COL24A1: variants seen among roughly 807,000 people sequenced by gnomAD.
COL24A1 encodes the protein collagen type XXIV alpha 1 chain.
A neutral mutation model predicts 253.9 loss-of-function variants in COL24A1; 224 were observed. The observed-to-expected ratio is 0.88, with a 90% CI of 0.79 to 0.99. The LOEUF (loss-of-function observed/expected upper bound fraction) is 0.99, where lower values mean the gene tolerates loss of function less well. Among genes scored for constraint, COL24A1 ranks in the 50% least tolerant of loss-of-function variants. COL24A1 has a pLI of 0.00. For missense variants in COL24A1, 2,131 were observed against 2,068.5 expected, an observed-to-expected ratio of 1.03 and a Z score of -0.59; for synonymous variants, 685 against 673.7, an observed-to-expected ratio of 1.02 and a Z score of -0.26.
intron 28 of COL24A1, among the ~76,000 whole-genome samples, 171 bp from the exon 29 acceptor site, chr1:85,896,580 C>G (rs1683755353): frequency 6.6e-6 from 1 of 152,036 alleles, no homozygotes; most frequent in Non-Finnish European, 1.5e-5. Context: ...CTGCAAGCTC[C>G]GCCTCCCAGG....
intron 53 of COL24A1, among the ~76,000 whole-genome samples, chr1:85,763,221 A>T (rs934583600): frequency 6.6e-6 from 1 of 152,006 alleles, no homozygotes; most frequent in African/African-American, 2.4e-5. Flanking sequence ...GTTTGAGACC[A>T]GCCTGGGCAA....
At chr1:86,088,772 G>A (rs1038975900) in intron 7 of COL24A1, among the ~76,000 whole-genome samples, 1 of 152,014 alleles carries the variant, frequency 6.6e-6, no homozygotes, top group Non-Finnish European at 1.5e-5. Flanking sequence ...ACCTCACTTT[G>A]GGCATATAAA....
chr1:86,046,124 A>C (rs967322904), intron 12 of COL24A1, among the ~76,000 whole-genome samples: 9 of 152,208 alleles, frequency 5.9e-5, no homozygotes, highest in African/African-American at 2.2e-4. Context: ...AAATGATTTG[A>C]GTATTCTGGT....
At chr1:85,953,677 A>G (rs1390039795) in intron 24 of COL24A1, among the ~76,000 whole-genome samples, 3 of 152,212 alleles carry the variant, frequency 2.0e-5, no homozygotes, top group East Asian at 1.9e-4. Flanking sequence ...GCACAGAAAC[A>G]TAAGTACACG....
chr1:85,879,246 G>GGTGTGTGTGTGT (rs5775875), intron 32 of COL24A1, among the ~76,000 whole-genome samples: 16 of 147,112 alleles, frequency 1.1e-4, no homozygotes, highest in African/African-American at 2.5e-4. Flanking sequence ...TCATTTTGAG[G>GGTGTGTGTGTGT]GTGTGTGTGT....
chr1:86,005,604 A>C (rs1392103628), intron 19 of COL24A1, among the ~76,000 whole-genome samples: 2 of 152,090 alleles, frequency 1.3e-5, no homozygotes, highest in Non-Finnish European at 2.9e-5. Flanking sequence ...GAAATAACAG[A>C]CCTTAATAAT....
intron 12 of COL24A1, among the ~76,000 whole-genome samples, chr1:86,036,795 A>C (rs964369392): frequency 1.4e-4 from 22 of 152,162 alleles, no homozygotes; most frequent in African/African-American, 5.1e-4. Context: ...TTCTTTCTCC[A>C]GTTGAAAGAA....
chr1:85,784,000 G>C, intron 50 of COL24A1, 113 bp downstream of exon 50: 1 of 738,322 alleles, frequency 1.4e-6, no homozygotes, highest in Non-Finnish European at 2.2e-6. Flanking sequence ...ATATAAATAT[G>C]TACCAACTGA....
intron 53 of COL24A1, among the ~76,000 whole-genome samples, chr1:85,769,908 T>A (rs1414818804): frequency 6.6e-6 from 1 of 152,184 alleles, no homozygotes; most frequent in Non-Finnish European, 1.5e-5. Context: ...CACTCAATTT[T>A]TTTTTCATGT....
At chr1:86,127,748 T>C (rs533864289) in intron 2 of COL24A1, among the ~76,000 whole-genome samples, 20 of 152,162 alleles carry the variant, frequency 1.3e-4, no homozygotes, top group African/African-American at 4.6e-4. Flanking sequence ...TGTAGGAAAT[T>C]AGTAGATATT....
At position 85,981,877 on chromosome 1, in the gene COL24A1, G is replaced by A. The variant is rs116743540; in HGVS notation, c.2364+5724C>T. Among the ~76,000 whole-genome samples, 538 of 152,178 alleles carry A rather than the reference G, an allele frequency of 3.5e-3. 5 individuals are homozygous for A. Among genetic ancestry groups the A allele is most frequent in the African/African-American group, 0.013 (522 of 41,532 alleles). On this transcript the variant is annotated intron_variant, in intron 20 of 59. Coordinates refer to ENST00000370571, the MANE Select transcript of COL24A1 (RefSeq NM_152890.7). ...TCAAAGCAACTGAAAACAGGATCTC[G>A]CAGGAGTGCAAGTATCCTGTTTACA...
chr1:85,858,625 T>TCCC (rs1558416375), intron 37 of COL24A1, among the ~76,000 whole-genome samples: 1 of 50,090 alleles, frequency 2.0e-5, no homozygotes, highest in Non-Finnish European at 4.2e-5. Context: ...TTCTCCCTCC[T>TCCC]TCCTTCCTTC....
At chr1:85,799,224 A>AAAGAAAGAAAGAAAGT (rs1671154641) in intron 47 of COL24A1, among the ~76,000 whole-genome samples, 1 of 151,268 alleles carries the variant, frequency 6.6e-6, no homozygotes, top group Non-Finnish European at 1.5e-5. Context: ...AGAAAGAAAG[A>AAAGAAAGAAAGAAAGT]AAGAAAGAAA....
chr1:85,848,813 C>A (rs547223103), intron 38 of COL24A1, among the ~76,000 whole-genome samples: 2 of 152,008 alleles, frequency 1.3e-5, no homozygotes, highest in Non-Finnish European at 2.9e-5. Flanking sequence ...TCCAGGGGTG[C>A]AGGTTGTTAT....
In COL24A1 at chr1:86,135,917, C is replaced by A. The variant is rs1364278760; in HGVS notation, c.122-9703G>T. 2.6e-5 allele frequency among the ~76,000 whole-genome samples: 4 copies of A among 152,000 alleles called. No individual in the cohort carries two copies. The East Asian group carries it at 7.7e-4, about 29-fold the overall frequency. On this transcript the variant is annotated intron_variant, in intron 2 of 59. Transcript: ENST00000370571. ...TTTTGCTCATTAATTCCTAGCCTAG[C>A]AACTTATAGAAAGATGCTGGCAGAA...
At chr1:85,778,279 T>A (rs1668797061) in intron 52 of COL24A1, among the ~76,000 whole-genome samples, 1 of 152,020 alleles carries the variant, frequency 6.6e-6, no homozygotes, top group Non-Finnish European at 1.5e-5. Context: ...CATTTTAAAT[T>A]TTTTTGTAGA....
At chr1:86,144,599 C>T (rs1572070444) in intron 2 of COL24A1, among the ~76,000 whole-genome samples, 1 of 152,088 alleles carries the variant, frequency 6.6e-6, no homozygotes, top group African/African-American at 2.4e-5. Context: ...AGAGATGATA[C>T]AAAATATACA....
chr1:85,824,727 A>C (rs1374034856), intron 43 of COL24A1, among the ~76,000 whole-genome samples: 1 of 152,098 alleles, frequency 6.6e-6, no homozygotes, highest in Admixed American at 6.6e-5. Context: ...GTGTCAGATG[A>C]GAGTTATGCA....
rs56146912 is a variant in COL24A1 at position 85,994,411 on chromosome 1, GA to G, written c.2311-6758del. ...AATTAGGCAGTTTCAAAGTTATCCT[GA>G]AAAAAAAAAAAAAACTAGCCTAGCT... On this transcript the variant is annotated intron_variant, in intron 19 of 59. Transcript: ENST00000370571. Among the ~76,000 whole-genome samples the G allele has an allele frequency of 3.1e-3, 435 of 141,508 alleles. 4 individuals are homozygous for G. Among genetic ancestry groups the G allele is most frequent in the East Asian group, 0.024 (118 of 4,978 alleles). The allele number at this position is 141,508 out of a possible 152,430, so 92.8% of individuals were successfully genotyped here.
Sources: allele counts gnomAD v4.1 joint callset (sites outside exome capture counted in the v4.1 genomes callset), GRCh38; gene constraint gnomAD v4.1.1; transcripts MANE v1.5; gene names NCBI Gene and HGNC (gene_info 2026-07-23, HGNC 2026-07-21).